Variants in ANKRD17 observed in about 807,000 individuals in gnomAD.
ANKRD17 encodes the protein ankyrin repeat domain 17.
ANKRD17 carries 19 observed loss-of-function variants against 229.7 expected under a neutral mutation model. That is an observed-to-expected ratio of 0.08 (90% confidence interval 0.06 to 0.12). ANKRD17 has a LOEUF of 0.12. Ranked by LOEUF, ANKRD17 falls within the 10% of genes least tolerant of loss-of-function variation. The pLI is 1.00. For missense variants in ANKRD17, 2,176 were observed against 3,176.8 expected (o/e 0.68, Z 7.57); for synonymous variants, 1,112 against 1,146.1 (o/e 0.97, Z 0.60).
intron 16 of ANKRD17, among the ~76,000 whole-genome samples, chr4:73,134,263 T>C (rs1728611411): frequency 6.6e-6 from 1 of 152,160 alleles, no homozygotes; most frequent in Non-Finnish European, 1.5e-5. Context: ...CTCCCCACGT[T>C]ACCCCTGCTA....
At chr4:73,228,642 A>G (rs1271652200) in intron 1 of ANKRD17, among the ~76,000 whole-genome samples, 2 of 152,182 alleles carry the variant, frequency 1.3e-5, no homozygotes, top group Non-Finnish European at 2.9e-5. Flanking sequence ...CTGTATCCCA[A>G]TTTTAATATT....
chr4:73,114,638 G>T (rs1051458059), intron 23 of ANKRD17, among the ~76,000 whole-genome samples: 1 of 151,902 alleles, frequency 6.6e-6, no homozygotes, highest in Non-Finnish European at 1.5e-5. Context: ...CACTGAACCA[G>T]TCTTATTCTT....
chr4:73,126,573 CAA>C (rs2148729264), intron 16 of ANKRD17, among the ~76,000 whole-genome samples: 1 of 152,032 alleles, frequency 6.6e-6, no homozygotes, highest in South Asian at 2.1e-4. Flanking sequence ...TTTTGAAAAA[CAA>C]AGACTATTAT....
intron 3 of ANKRD17, 73 bp downstream of exon 3, chr4:73,161,119 C>T: frequency 1.3e-6 from 2 of 1,543,956 alleles, no homozygotes; most frequent in Non-Finnish European, 1.8e-6. Flanking sequence ...AATAAATGCT[C>T]AGTAAATGTT....
At chr4:73,115,956 T>G in intron 22 of ANKRD17, 40 bp from the exon 23 acceptor site, 3 of 1,546,784 alleles carry the variant, frequency 1.9e-6, no homozygotes, top group Non-Finnish European at 2.7e-6. Context: ...AAACAGACTC[T>G]AACAGTTCAG....
chr4:73,092,031 A>G lies in ANKRD17; in HGVS notation c.5597T>C (p.Ile1866Thr). The change falls in exon 29 of 34, where the codon ATT becomes ACT. Residue 1866 changes from isoleucine (I) to threonine (T), a missense_variant. Coordinates refer to ENST00000358602, the MANE Select transcript of ANKRD17 (RefSeq NM_032217.5). ...CCTCACATTATTCACTGGGTTCTTA[A>G]TGGTTTTGTGAGTGGATGCAGAAGA... is the stretch of plus-strand genomic sequence containing the variant. ...AISSASTHKT[I>T]KNPVNNVRPG... The G allele has an allele frequency of 6.2e-7, 1 of 1,614,178 alleles. No individual in the cohort carries two copies. The highest frequency in any genetic ancestry group is 8.5e-7 in the Non-Finnish European group (1 of 1,180,032).
chr4:73,227,443 G>A (rs1165495777), intron 1 of ANKRD17, among the ~76,000 whole-genome samples: 4 of 152,044 alleles, frequency 2.6e-5, no homozygotes, highest in South Asian at 2.1e-4. Context: ...GTGAGCCACC[G>A]CACCCAGCCT....
At chr4:73,100,061 G>GT (rs1723781969) in intron 25 of ANKRD17, among the ~76,000 whole-genome samples, 2 of 152,218 alleles carry the variant, frequency 1.3e-5, no homozygotes, top group East Asian at 1.9e-4. Context: ...GCCCCCCAAG[G>GT]TTCTGGTTCC....
chr4:73,215,056 C>A (rs1050625088), intron 1 of ANKRD17, among the ~76,000 whole-genome samples: 1 of 152,014 alleles, frequency 6.6e-6, no homozygotes, highest in African/African-American at 2.4e-5. Flanking sequence ...TTAAGACATA[C>A]TATAATTATT....
intron 3 of ANKRD17, among the ~76,000 whole-genome samples, chr4:73,156,952 T>C (rs1258043363): frequency 5.3e-5 from 8 of 152,174 alleles, no homozygotes; most frequent in Non-Finnish European, 1.2e-4. Flanking sequence ...TCATTGAGTT[T>C]TTTACAATCT....
intron 16 of ANKRD17, among the ~76,000 whole-genome samples, chr4:73,133,195 A>G (rs1728451562): frequency 6.6e-6 from 1 of 151,916 alleles, no homozygotes; most frequent in African/African-American, 2.4e-5. Context: ...GGCTACAGTT[A>G]GCCAAGATTG....
chr4:73,129,901 T>G (rs1727971145), intron 16 of ANKRD17, among the ~76,000 whole-genome samples: 1 of 151,644 alleles, frequency 6.6e-6, no homozygotes, highest in Non-Finnish European at 1.5e-5. Context: ...TAGCTGGGAC[T>G]ACAGGTGCCT....
intron 1 of ANKRD17, among the ~76,000 whole-genome samples, chr4:73,207,414 A>T (rs970022747): frequency 1.3e-5 from 2 of 152,316 alleles, no homozygotes; most frequent in South Asian, 2.1e-4. Flanking sequence ...GGTGGAATGA[A>T]ATATAAAATA....
intron 1 of ANKRD17, among the ~76,000 whole-genome samples, chr4:73,257,418 T>C (rs966212163): frequency 1.3e-5 from 2 of 152,162 alleles, no homozygotes; most frequent in Non-Finnish European, 2.9e-5. Context: ...CCGAGAGGCC[T>C]TCCTATTCCA....
At chr4:73,080,318 T>C (rs1379991430) in intron 30 of ANKRD17, among the ~76,000 whole-genome samples, 1 of 152,002 alleles carries the variant, frequency 6.6e-6, no homozygotes, top group Non-Finnish European at 1.5e-5. Flanking sequence ...GAAAAAAAGC[T>C]ATAACCTAAA....
chr4:73,252,955 A>G (rs951156450), intron 1 of ANKRD17, among the ~76,000 whole-genome samples: 1 of 152,214 alleles, frequency 6.6e-6, no homozygotes, highest in African/African-American at 2.4e-5. Context: ...ACTGCAAAAA[A>G]GCGTCTCCCC....
At chr4:73,196,217 C>T (rs992419401) in intron 1 of ANKRD17, among the ~76,000 whole-genome samples, 2 of 152,030 alleles carry the variant, frequency 1.3e-5, no homozygotes, top group African/African-American at 4.8e-5. Context: ...AGGCTGGTCT[C>T]AAACTCCTGA....
rs1737398197 is a variant in ANKRD17, at chr4:73,193,404, G to GT, written c.394-15872dup. Among the ~76,000 whole-genome samples, 4 of 152,302 alleles carry GT rather than the reference G, an allele frequency of 2.6e-5. No individual in the cohort carries two copies. In the South Asian group the frequency reaches 6.2e-4, roughly 24 times the overall value. On this transcript the variant is annotated intron_variant, in intron 1 of 33. Coordinates refer to ENST00000358602, the MANE Select transcript of ANKRD17 (RefSeq NM_032217.5). Reference sequence around the variant, plus strand: ...GAGGAGGACAGGTCATATGAGAAGTGTATGTTTAAATTTATAAAATACTGC... The same window carrying GT: ...GAGGAGGACAGGTCATATGAGAAGTGTTATGTTTAAATTTATAAAATACTGC...
intron 13 of ANKRD17, 92 bp downstream of exon 13, chr4:73,142,150 A>C (rs1483536107): frequency 4.9e-5 from 63 of 1,284,064 alleles, no homozygotes; most frequent in Non-Finnish European, 5.9e-5. Context: ...ATATTAGAAC[A>C]AAAAAAAACC....
Sources: gnomAD v4.1 joint callset for allele counts (sites outside exome capture counted in the v4.1 genomes callset) on GRCh38, gnomAD v4.1.1 for gene constraint, MANE v1.5 for transcripts, NCBI Gene and HGNC (gene_info 2026-07-23, HGNC 2026-07-21) for gene names.